Variants in PPP4R2 observed in about 807,000 individuals in gnomAD.
The protein encoded by PPP4R2 is protein phosphatase 4 regulatory subunit 2.
In PPP4R2, 13 loss-of-function variants were observed where a neutral mutation model predicts 47.2. The ratio of observed to expected loss-of-function variants is 0.28; its 90% CI spans 0.18 to 0.44. The LOEUF is 0.44. Among genes scored for constraint, PPP4R2 ranks in the 20% least tolerant of loss-of-function variants. The pLI is 1.00. For synonymous variants in PPP4R2, 151 were observed against 163.3 expected (o/e 0.92, Z 0.57); for missense variants, 421 against 491.2 (o/e 0.86, Z 1.35).
chr3:73,025,085 G>T (rs1283046906), intron 2 of PPP4R2, among the ~76,000 whole-genome samples: 1 of 152,084 alleles, frequency 6.6e-6, no homozygotes. Flanking sequence ...GGTCAGGTGG[G>T]GTGATGAGAG....
At chr3:72,997,985 G>A (rs1354939132) in intron 1 of PPP4R2, 92 bp from the exon 2 acceptor site, 3 of 850,626 alleles carry the variant, frequency 3.5e-6, no homozygotes, top group Non-Finnish European at 5.8e-6. Flanking sequence ...GTATTTAATT[G>A]ATTTTTAATA....
At chr3:73,014,960 TCCC>T (rs1701793305) in intron 2 of PPP4R2, 1 of 695,144 alleles carries the variant, frequency 1.4e-6, no homozygotes, top group African/African-American at 1.8e-5. Flanking sequence ...TGCCTCAACT[TCCC>T]AAACTGCGGG....
At chr3:73,002,290 G>T (rs536263969) in intron 2 of PPP4R2, among the ~76,000 whole-genome samples, 16 of 152,246 alleles carry the variant, frequency 1.1e-4, no homozygotes, top group Non-Finnish European at 2.2e-4. Context: ...TCTTGCTGTT[G>T]CCCAGGCTTT....
chr3:73,034,187 G>C (rs938148260), intron 2 of PPP4R2, among the ~76,000 whole-genome samples: 1 of 152,080 alleles, frequency 6.6e-6, no homozygotes, highest in Non-Finnish European at 1.5e-5. Flanking sequence ...TGAACCTCTT[G>C]TACTACTATT....
intron 3 of PPP4R2, among the ~76,000 whole-genome samples, chr3:73,054,559 A>G (rs950350868): frequency 6.6e-6 from 1 of 152,248 alleles, no homozygotes; most frequent in Non-Finnish European, 1.5e-5. Context: ...TTAGTCAGAA[A>G]AGACAGTAAA....
chr3:73,052,247 T>TTA (rs1231917967), intron 3 of PPP4R2, among the ~76,000 whole-genome samples: 2 of 144,466 alleles, frequency 1.4e-5, no homozygotes, highest in Non-Finnish European at 3.0e-5. Flanking sequence ...CTTTCTTTTC[T>TTA]TTTTTTTTTT....
At chr3:73,062,563 G>A (rs1338748206) in intron 5 of PPP4R2, 2 of 1,613,966 alleles carry the variant, frequency 1.2e-6, no homozygotes, top group African/African-American at 1.3e-5. Context: ...GAGGAAAGGG[G>A]TACTCCTTAT....
intron 2 of PPP4R2, among the ~76,000 whole-genome samples, chr3:73,033,174 CT>C (rs1402493463): frequency 6.6e-6 from 1 of 152,034 alleles, no homozygotes; most frequent in Non-Finnish European, 1.5e-5. Context: ...TTGTTTTGTA[CT>C]TTTAGTGTCT....
At chr3:73,027,923 T>A (rs922161162) in intron 2 of PPP4R2, 4 of 150,126 alleles carry the variant, frequency 2.7e-5, no homozygotes, top group African/African-American at 7.4e-5. Context: ...TTTTTTTTTT[T>A]ATGAGTGAAT....
intron 2 of PPP4R2, among the ~76,000 whole-genome samples, chr3:73,029,024 C>T (rs1010347394): frequency 3.3e-5 from 5 of 152,206 alleles, no homozygotes; most frequent in African/African-American, 1.2e-4. Flanking sequence ...TGGCTCACTG[C>T]AGCCTCGAAC....
At chr3:73,040,678 A>G (rs1321313194) in intron 2 of PPP4R2, among the ~76,000 whole-genome samples, 1 of 151,870 alleles carries the variant, frequency 6.6e-6, no homozygotes, top group Non-Finnish European at 1.5e-5. Context: ...ATGCCTGGCT[A>G]ATTTTTGTAT....
intron 3 of PPP4R2, among the ~76,000 whole-genome samples, chr3:73,051,474 A>G (rs6773599): frequency 1 from 152,328 of 152,328 alleles, 76,164 homozygotes; most frequent in Non-Finnish European, 1. Flanking sequence ...TCTTCTTTTG[A>G]CTTTCTTTTG....
intron 8 of PPP4R2, 107 bp downstream of exon 8, chr3:73,065,248 G>A: frequency 1.5e-6 from 2 of 1,327,602 alleles, no homozygotes; most frequent in Non-Finnish European, 2.0e-6. Flanking sequence ...TTATAATGCT[G>A]ATGTTGGGCT....
chr3:73,065,013 A>G lies in PPP4R2; in HGVS notation c.800A>G (p.Glu267Gly), dbSNP rs779317323. ...ACAGCCAGTCAAACGACTTCCAGCG[A>G]AATTTCTTCAGTTATGGTAGGAGAA... ...RETASQTTSSEISSVMVGETE... is the reference protein window; with the variant it reads ...RETASQTTSSGISSVMVGETE... Residue 267 changes from glutamate to glycine, a missense_variant, in exon 8 of 9, where the codon GAA (glutamate) becomes GGA (glycine). Around this residue, in one of 2 missense-constraint regions of PPP4R2, gnomAD observed 317 missense variants for 287.5 expected, o/e 1.10. Coordinates refer to ENST00000356692, the MANE Select transcript of PPP4R2 (RefSeq NM_174907.4). 3.7e-6 allele frequency: 6 copies of G among 1,613,936 alleles called. No individual in the cohort carries two copies. Among genetic ancestry groups the G allele is most frequent in the Non-Finnish European group, 5.1e-6 (6 of 1,179,860 alleles).
At chr3:73,000,914 T>G (rs544949803) in intron 2 of PPP4R2, among the ~76,000 whole-genome samples, 8 of 152,316 alleles carry the variant, frequency 5.3e-5, no homozygotes, top group African/African-American at 1.9e-4. Flanking sequence ...ATTTGATGGG[T>G]TTGAGTTGCA....
At chr3:73,005,045 C>T (rs938703138) in intron 2 of PPP4R2, among the ~76,000 whole-genome samples, 13 of 151,284 alleles carry the variant, frequency 8.6e-5, no homozygotes, top group East Asian at 2.0e-4. Flanking sequence ...GCGCCATCTC[C>T]GCTAACCGCA....
intron 2 of PPP4R2, among the ~76,000 whole-genome samples, chr3:73,011,361 G>T (rs1310606729): frequency 6.6e-6 from 1 of 152,124 alleles, no homozygotes; most frequent in Non-Finnish European, 1.5e-5. Flanking sequence ...GGCGCTTTTA[G>T]TCGCAGCTGC....
intron 2 of PPP4R2, among the ~76,000 whole-genome samples, chr3:73,010,006 T>C (rs1338848065): frequency 1.3e-5 from 2 of 152,214 alleles, no homozygotes; most frequent in African/African-American, 4.8e-5. Flanking sequence ...ATTCCATCCC[T>C]ATCGGATACC....
chr3:73,055,861 T>C (rs1358245943), intron 3 of PPP4R2, among the ~76,000 whole-genome samples: 1 of 152,072 alleles, frequency 6.6e-6, no homozygotes, highest in Non-Finnish European at 1.5e-5. Context: ...CTGCTTCGGC[T>C]TCCCAAAGTC....
Sources: allele counts gnomAD v4.1 joint callset (sites outside exome capture counted in the v4.1 genomes callset), GRCh38; gene constraint gnomAD v4.1.1; regional missense constraint gnomAD v4.1.1; transcripts MANE v1.5; gene names NCBI Gene and HGNC (gene_info 2026-07-23, HGNC 2026-07-21).